Variants in MED6 observed in about 807,000 individuals in gnomAD.
The protein encoded by MED6 is mediator of RNA polymerase II transcription subunit 6.
A neutral mutation model predicts 37.5 loss-of-function variants in MED6; 33 were observed. That is an observed-to-expected ratio of 0.88 (90% CI 0.67 to 1.18). The LOEUF (loss-of-function observed/expected upper bound fraction) is 1.18. Among genes scored for constraint, MED6 ranks in the 50% most tolerant of loss-of-function variants. The pLI, the probability that MED6 is intolerant of heterozygous loss-of-function variation, is 0.00. For synonymous variants in MED6, 94 were observed against 93.6 expected (o/e 1.00, Z -0.02); for missense variants, 235 against 290.6 (o/e 0.81, Z 1.39).
intron 6 of MED6, among the ~76,000 whole-genome samples, chr14:70,590,567 T>C (rs774552986): frequency 1.3e-5 from 2 of 152,044 alleles, no homozygotes; most frequent in Non-Finnish European, 2.9e-5. Flanking sequence ...CTTAAAGAGC[T>C]CCTAACAAAA....
chr14:70,589,005 A>G lies in MED6; in HGVS notation c.582+2261T>C, dbSNP rs545891799. On this transcript the variant is annotated intron_variant, in intron 6 of 7. Transcript: ENST00000256379. ...GCAGCATCCCTAGCCAGGGGCGGGGAAAAAAAAGTTGTCTTTCACTGGAGT... is the reference window on the plus strand; with the variant it reads ...GCAGCATCCCTAGCCAGGGGCGGGGGAAAAAAAGTTGTCTTTCACTGGAGT... 1.3e-3 allele frequency among the ~76,000 whole-genome samples: 197 copies of G among 151,856 alleles called. 1 individual carries two copies. The highest frequency in any genetic ancestry group is 4.2e-3 in the African/African-American group (173 of 41,462).
chr14:70,596,554 G>A (rs1885052759), intron 3 of MED6, 57 bp downstream of exon 3: 1 of 1,370,728 alleles, frequency 7.3e-7, no homozygotes, highest in Non-Finnish European at 1.0e-6. Context: ...AGGTCAGGAA[G>A]TAAATAAATT....
At chr14:70,591,201 T>A (rs768990940) in intron 6 of MED6, 65 bp downstream of exon 6, 3 of 1,236,368 alleles carry the variant, frequency 2.4e-6, no homozygotes, top group Non-Finnish European at 3.5e-6. Flanking sequence ...AGTTCTCAAT[T>A]AAAAATTAAT....
intron 6 of MED6, among the ~76,000 whole-genome samples, chr14:70,590,062 T>C (rs1246632445): frequency 6.6e-6 from 1 of 152,256 alleles, no homozygotes; most frequent in Non-Finnish European, 1.5e-5. Context: ...ATATTTTACA[T>C]ACATTCTTTT....
intron 3 of MED6, chr14:70,595,569 C>G (rs1224058916): frequency 2.8e-6 from 2 of 709,750 alleles, no homozygotes; most frequent in Non-Finnish European, 5.0e-6. Flanking sequence ...CCTGCTGTAC[C>G]TGGAGTTGGA....
In MED6 at chr14:70,584,772, C is replaced by G. The variant is rs1216913181; in HGVS notation, c.*41G>C. The G allele has an allele frequency of 6.3e-7, 1 of 1,598,578 alleles. No individual in the cohort carries two copies. Reference sequence around the variant, plus strand: ...GAGCCACAGTACTGAGGTATGATAACTAGCATGAGGAGTCTTCCAGGCTTC... The same window carrying G: ...GAGCCACAGTACTGAGGTATGATAAGTAGCATGAGGAGTCTTCCAGGCTTC... On this transcript the variant is annotated 3_prime_UTR_variant, in exon 8 of 8. Coordinates refer to ENST00000256379, the MANE Select transcript of MED6 (RefSeq NM_005466.4).
At chr14:70,598,446 G>C (rs1001741131) in intron 1 of MED6, among the ~76,000 whole-genome samples, 15 of 152,098 alleles carry the variant, frequency 9.9e-5, no homozygotes, top group Non-Finnish European at 1.5e-5. Context: ...CTGCACTCCA[G>C]CCTGGGCGAC....
chr14:70,591,734 A>T (rs1884876556), intron 5 of MED6: 1 of 174,750 alleles, frequency 5.7e-6, no homozygotes, highest in Non-Finnish European at 1.2e-5. Context: ...TTGTTATTTT[A>T]AGTGTATTAA....
chr14:70,595,311 C>G (rs1885010848), intron 3 of MED6: 1 of 547,596 alleles, frequency 1.8e-6, no homozygotes, highest in East Asian at 4.2e-5. Context: ...ATACGAAGAG[C>G]TGGCTCAGAA....
intron 6 of MED6, among the ~76,000 whole-genome samples, chr14:70,590,398 T>C (rs946009989): frequency 5.3e-5 from 8 of 152,196 alleles, no homozygotes; most frequent in African/African-American, 1.9e-4. Context: ...CTGTCCTGAG[T>C]TCCATCTTGT....
chr14:70,584,014 A>C lies in MED6; in HGVS notation c.*799T>G. The C allele has an allele frequency of 2.2e-6, 1 of 462,530 alleles. No homozygotes were observed. The highest frequency in any genetic ancestry group is 3.8e-6 in the Non-Finnish European group (1 of 262,190). The allele number at this position is 462,530 out of a possible 1,614,324, so 28.7% of individuals were successfully genotyped here. ...GTATCTACACACAGAATAAGATTAA[A>C]ATTCACAACACTGTTACAGTATTTA... is the stretch of plus-strand genomic sequence containing the variant. On this transcript the variant is annotated 3_prime_UTR_variant, in exon 8 of 8. Coordinates refer to ENST00000256379, the MANE Select transcript of MED6 (RefSeq NM_005466.4).
Position 70,599,813 on chromosome 14 carries a change from A to T in MED6, c.22+803T>A, listed in dbSNP as rs569178821. ...CATTCTAACCATCAGCAAGTGATGAAATAAATAATGAAAGACACGTATGTA... is the reference window on the plus strand; with the variant it reads ...CATTCTAACCATCAGCAAGTGATGATATAAATAATGAAAGACACGTATGTA... On this transcript the variant is annotated intron_variant, in intron 1 of 7. Transcript: ENST00000256379. Among the ~76,000 whole-genome samples the T allele has an allele frequency of 1.3e-4, 16 of 121,586 alleles. No homozygotes were observed. In the South Asian group the frequency reaches 4.6e-3, roughly 35 times the overall value. 79.8% of individuals were successfully genotyped at this position (121,586 alleles called of 152,430 possible). A position where few individuals can be genotyped will look rare whatever the true frequency, so the allele number is the denominator to read the frequency against.
chr14:70,588,720 AT>A (rs1440845480), intron 6 of MED6, among the ~76,000 whole-genome samples: 1 of 135,186 alleles, frequency 7.4e-6, no homozygotes, highest in Non-Finnish European at 1.6e-5. Flanking sequence ...AATAATAATA[AT>A]AATAATAATA....
At chr14:70,600,000 C>T (rs936187585) in intron 1 of MED6, among the ~76,000 whole-genome samples, 1 of 152,044 alleles carries the variant, frequency 6.6e-6, no homozygotes, top group African/African-American at 2.4e-5. Context: ...TCTACATGCT[C>T]CCCAAGATCA....
chr14:70,595,288 A>G, intron 3 of MED6: 1 of 549,832 alleles, frequency 1.8e-6, no homozygotes, highest in Non-Finnish European at 3.5e-6. Context: ...CCAAGATCAC[A>G]GGAGACATCC....
intron 3 of MED6, chr14:70,595,013 T>C (rs576802925): frequency 3.5e-6 from 2 of 577,914 alleles, no homozygotes; most frequent in Non-Finnish European, 6.9e-6. Flanking sequence ...CACATTGTTC[T>C]GCAGATCGAC....
Position 70,583,512 on chromosome 14 carries a change from G to A in MED6, c.*1301C>T, listed in dbSNP as rs1240450770. 6.6e-6 allele frequency: 1 copy of A among 152,162 alleles called. No homozygotes were observed. Among genetic ancestry groups the A allele is most frequent in the Non-Finnish European group, 1.5e-5 (1 of 68,034 alleles). 9.4% of individuals were successfully genotyped at this position (152,162 alleles called of 1,614,324 possible). A position where few individuals can be genotyped will look rare whatever the true frequency, so the allele number is the denominator to read the frequency against. On this transcript the variant is annotated 3_prime_UTR_variant, in exon 8 of 8. Transcript: ENST00000256379. The stretch of plus-strand genomic sequence containing the variant: ...AACAACTTAGCAATATGGACTAAGA[G>A]CAATAAAAATGCAGAGACTCTAGTG...
At chr14:70,585,433 A>C (rs1349569221) in intron 7 of MED6, among the ~76,000 whole-genome samples, 2 of 152,324 alleles carry the variant, frequency 1.3e-5, no homozygotes, top group East Asian at 3.9e-4. Context: ...AGAGTAAAAA[A>C]CTACAATGGG....
chr14:70,597,383 ATC>A (rs1201746668), intron 2 of MED6, among the ~76,000 whole-genome samples: 1 of 152,230 alleles, frequency 6.6e-6, no homozygotes, highest in African/African-American at 2.4e-5. Flanking sequence ...CACTCATCAG[ATC>A]CAAATCTAAA....
Sources: gnomAD v4.1 joint callset for allele counts (sites outside exome capture counted in the v4.1 genomes callset) on GRCh38, gnomAD v4.1.1 for gene constraint, MANE v1.5 for transcripts, NCBI Gene and HGNC (gene_info 2026-07-23, HGNC 2026-07-21) for gene names.